KCNIP1: variants seen among roughly 807,000 people sequenced by gnomAD.
The protein encoded by KCNIP1 is potassium voltage-gated channel interacting protein 1.
In KCNIP1, 18 loss-of-function variants were observed where a neutral mutation model predicts 33.0. The ratio of observed to expected loss-of-function variants is 0.55; its 90% confidence interval spans 0.38 to 0.81. The LOEUF (loss-of-function observed/expected upper bound fraction) is 0.81, where lower values mean the gene tolerates loss of function less well. Among genes scored for constraint, KCNIP1 ranks in the 30% least tolerant of loss-of-function variants. The probability of loss-of-function intolerance (pLI) is 0.00; values close to 1 mark genes in which losing one functional copy is unlikely to be tolerated. For synonymous variants in KCNIP1, 93 were observed against 98.3 expected (o/e 0.95, Z 0.32); for missense variants, 238 against 271.6 (o/e 0.88, Z 0.87).
intron 1 of KCNIP1, among the ~76,000 whole-genome samples, chr5:170,359,076 GA>G (rs1227871242): frequency 6.6e-6 from 1 of 152,174 alleles, no homozygotes; most frequent in Non-Finnish European, 1.5e-5. Flanking sequence ...GGGTTATGGG[GA>G]AAGGGAACAC....
intron 1 of KCNIP1, among the ~76,000 whole-genome samples, chr5:170,591,642 A>G (rs1758267101): frequency 6.6e-6 from 1 of 152,032 alleles, no homozygotes; most frequent in Admixed American, 6.6e-5. Flanking sequence ...CTACCATTCT[A>G]TTTTCTATCT....
intron 1 of KCNIP1, among the ~76,000 whole-genome samples, chr5:170,701,191 G>C (rs970883937): frequency 2.6e-5 from 4 of 152,190 alleles, no homozygotes; most frequent in Non-Finnish European, 4.4e-5. Flanking sequence ...AGGCGAAAAG[G>C]GTTTCAGGAT....
intron 1 of KCNIP1, among the ~76,000 whole-genome samples, chr5:170,665,095 C>A (rs2113756984): frequency 6.6e-6 from 1 of 152,252 alleles, no homozygotes; most frequent in Non-Finnish European, 1.5e-5. Context: ...CCCCCAGAAG[C>A]CTTTTCTGCA....
In KCNIP1 at chr5:170,415,640, C is replaced by T. The variant is rs142401516; in HGVS notation, c.88+61676C>T. ...TGTCAGGCCCACCGTCCTATCAACC[C>T]TCCAGGCTCATGTCTCCAAGGAGCT... On this transcript the variant is annotated intron_variant, in intron 1 of 7. Coordinates refer to the KCNIP1 transcript ENST00000377360. Among the ~76,000 whole-genome samples, 203 of 152,326 alleles carry T rather than the reference C, an allele frequency of 1.3e-3. 2 individuals carry two copies. The highest frequency in any genetic ancestry group is 2.5e-3 in the Non-Finnish European group (167 of 68,018).
intron 1 of KCNIP1, among the ~76,000 whole-genome samples, chr5:170,668,546 G>A (rs532175006): frequency 1.2e-4 from 18 of 152,170 alleles, no homozygotes; most frequent in Admixed American, 2.6e-4. Context: ...GCTCTCTTGC[G>A]TTTACTTTTC....
chr5:170,475,525 T>C (rs1561642721), intron 1 of KCNIP1, among the ~76,000 whole-genome samples: 1 of 152,170 alleles, frequency 6.6e-6, no homozygotes, highest in Non-Finnish European at 1.5e-5. Context: ...TCTTAGGTTG[T>C]TCTAAGTTAA....
Position 170,400,873 on chromosome 5 carries a change from T to G in KCNIP1, c.88+46909T>G, listed in dbSNP as rs537248235. 3.3e-4 allele frequency among the ~76,000 whole-genome samples: 50 copies of G among 152,384 alleles called. No individual in the cohort carries two copies. In the South Asian group the frequency reaches 0.01, roughly 31 times the overall value. ...TTCGATACAATAGCCACTAGCTACC[T>G]ATGGCTGTTGAGCACTTAAATGTGA... On this transcript the variant is annotated intron_variant, in intron 1 of 7. Coordinates refer to the KCNIP1 transcript ENST00000377360.
intron 1 of KCNIP1, among the ~76,000 whole-genome samples, chr5:170,366,190 C>A (rs1027443372): frequency 3.9e-5 from 6 of 152,202 alleles, no homozygotes; most frequent in South Asian, 2.1e-4. Flanking sequence ...ATGTCCAGAA[C>A]CTTTAAAATC....
intron 1 of KCNIP1, among the ~76,000 whole-genome samples, chr5:170,519,873 G>A (rs1206612908): frequency 1.3e-5 from 2 of 152,128 alleles, no homozygotes; most frequent in Admixed American, 6.5e-5. Flanking sequence ...TTGTATTGTT[G>A]TGATTGTTCT....
intron 1 of KCNIP1, among the ~76,000 whole-genome samples, chr5:170,450,844 G>A (rs748214151): frequency 1.3e-5 from 2 of 152,086 alleles, no homozygotes; most frequent in East Asian, 1.9e-4. Flanking sequence ...ACACCCCATC[G>A]TGATTATCTC....
chr5:170,667,403 G>A (rs539878173), intron 1 of KCNIP1, among the ~76,000 whole-genome samples: 4 of 152,326 alleles, frequency 2.6e-5, no homozygotes, highest in African/African-American at 9.6e-5. Context: ...AGAAGTTCAG[G>A]CATAGTGTGG....
At chr5:170,470,609 G>A (rs1166290511) in intron 1 of KCNIP1, among the ~76,000 whole-genome samples, 4 of 152,236 alleles carry the variant, frequency 2.6e-5, no homozygotes, top group Non-Finnish European at 5.9e-5. Flanking sequence ...GTTTTTAAAG[G>A]TAGAGGGGGA....
chr5:170,665,292 C>A (rs1199203309), intron 1 of KCNIP1, among the ~76,000 whole-genome samples: 1 of 152,128 alleles, frequency 6.6e-6, no homozygotes, highest in East Asian at 1.9e-4. Context: ...AACTTTGTCC[C>A]CTTCCAGTCC....
At chr5:170,589,805 G>GTGCGGTGCGT (rs1758165412) in intron 1 of KCNIP1, among the ~76,000 whole-genome samples, 1 of 151,502 alleles carries the variant, frequency 6.6e-6, no homozygotes, top group Non-Finnish European at 1.5e-5. Context: ...GTGCGGTGCG[G>GTGCGGTGCGT]TGCGGTGCGG....
chr5:170,674,317 G>A (rs1441397773), intron 1 of KCNIP1, among the ~76,000 whole-genome samples: 7 of 152,124 alleles, frequency 4.6e-5, no homozygotes, highest in Non-Finnish European at 7.4e-5. Context: ...GACAAAGAAG[G>A]TAAAAATTGA....
chr5:170,693,441 G>C (rs890065236), intron 1 of KCNIP1, among the ~76,000 whole-genome samples: 2 of 152,146 alleles, frequency 1.3e-5, no homozygotes, highest in Admixed American at 1.3e-4. Flanking sequence ...TCTAATCCTC[G>C]TGAAGACCCT....
chr5:170,711,659 T>C (rs1763448287), intron 1 of KCNIP1, among the ~76,000 whole-genome samples: 1 of 152,164 alleles, frequency 6.6e-6, no homozygotes, highest in African/African-American at 2.4e-5. Context: ...GAGGGCGGAA[T>C]ATACACAAAC....
At chr5:170,537,905 G>T (rs1756057093) in intron 1 of KCNIP1, among the ~76,000 whole-genome samples, 2 of 152,190 alleles carry the variant, frequency 1.3e-5, no homozygotes, top group African/African-American at 4.8e-5. Flanking sequence ...GGGTGCCATT[G>T]TGTCCAGCTG....
At chr5:170,558,437 C>G (rs930078187) in intron 1 of KCNIP1, among the ~76,000 whole-genome samples, 1 of 152,300 alleles carries the variant, frequency 6.6e-6, no homozygotes, top group Non-Finnish European at 1.5e-5. Context: ...TGGTTGTGAC[C>G]TAAGGAAACA....
Sources: gnomAD v4.1 joint callset for allele counts (sites outside exome capture counted in the v4.1 genomes callset) on GRCh38, gnomAD v4.1.1 for gene constraint, MANE v1.5 for transcripts, NCBI Gene and HGNC (gene_info 2026-07-23, HGNC 2026-07-21) for gene names.